Variants in CELF4 observed in about 807,000 individuals in gnomAD.
CELF4 encodes CUG-BP- and ETR-3-like factor 4.
A neutral mutation model predicts 59.9 loss-of-function variants in CELF4; 18 were observed. The observed-to-expected ratio is 0.30, with a 90% confidence interval of 0.21 to 0.45. The LOEUF (loss-of-function observed/expected upper bound fraction) is 0.45, where lower values mean the gene tolerates loss of function less well. CELF4 is among the 20% of genes least tolerant of loss of function. The pLI, the probability that CELF4 is intolerant of heterozygous loss-of-function variation, is 1.00. For missense variants in CELF4, 456 were observed against 689.0 expected, an observed-to-expected ratio of 0.66 and a Z score of 3.79; for synonymous variants, 261 against 267.1, an observed-to-expected ratio of 0.98 and a Z score of 0.22.
chr18:37,494,691 G>A (rs984688596), intron 1 of CELF4, among the ~76,000 whole-genome samples: 11 of 152,186 alleles, frequency 7.2e-5, no homozygotes, highest in East Asian at 3.9e-4. Flanking sequence ...CTGAGATGTG[G>A]CCACAGTGGG....
chr18:37,267,015 TGAAA>T (rs1436343729), intron 8 of CELF4, among the ~76,000 whole-genome samples: 3 of 151,414 alleles, frequency 2.0e-5, no homozygotes, highest in African/African-American at 7.3e-5. Flanking sequence ...CCCCAGTGGG[TGAAA>T]GAAAGGGCAA....
intron 3 of CELF4, among the ~76,000 whole-genome samples, chr18:37,296,751 ACTG>A (rs1174420424): frequency 4.6e-5 from 7 of 152,076 alleles, no homozygotes; most frequent in African/African-American, 1.7e-4. Flanking sequence ...CAGTGCCCTA[ACTG>A]TGGGCCCCAT....
At chr18:37,397,746 TG>T (rs1485257927) in intron 2 of CELF4, among the ~76,000 whole-genome samples, 3 of 152,072 alleles carry the variant, frequency 2.0e-5, no homozygotes, top group African/African-American at 7.2e-5. Flanking sequence ...GCTTGTGAGG[TG>T]GGTATGTTGG....
At chr18:37,303,432 A>T (rs2096202996) in intron 3 of CELF4, among the ~76,000 whole-genome samples, 1 of 152,160 alleles carries the variant, frequency 6.6e-6, no homozygotes, top group Admixed American at 6.5e-5. Flanking sequence ...GACATTTTGA[A>T]TTTAAAGTAT....
intron 1 of CELF4, among the ~76,000 whole-genome samples, chr18:37,515,201 C>CT (rs1452108735): frequency 6.6e-6 from 1 of 152,180 alleles, no homozygotes; most frequent in Non-Finnish European, 1.5e-5. Flanking sequence ...CAGTAAAAGC[C>CT]TTAAGGAGCC....
Position 37,448,032 on chromosome 18 carries a change from C to T in CELF4, c.369+37493G>A, listed in dbSNP as rs542012142. On this transcript the variant is annotated intron_variant, in intron 2 of 12. Transcript: ENST00000420428. ...GAGCCACATTGGTATAAGCCTAGGTCTGAGTACACGGTGGCATTCAGTGAT... is the reference window on the plus strand; with the variant it reads ...GAGCCACATTGGTATAAGCCTAGGTTTGAGTACACGGTGGCATTCAGTGAT... 2.0e-5 allele frequency among the ~76,000 whole-genome samples: 3 copies of T among 152,332 alleles called. No individual in the cohort carries two copies. The South Asian group carries it at 6.2e-4, about 32-fold the overall frequency.
At chr18:37,496,573 C>A (rs2099925405) in intron 1 of CELF4, among the ~76,000 whole-genome samples, 1 of 152,186 alleles carries the variant, frequency 6.6e-6, no homozygotes, top group African/African-American at 2.4e-5. Context: ...GAAATTCCAA[C>A]CTCAGCATCC....
chr18:37,502,501 T>C (rs2099932925), intron 1 of CELF4, among the ~76,000 whole-genome samples: 1 of 152,064 alleles, frequency 6.6e-6, no homozygotes, highest in African/African-American at 2.4e-5. Flanking sequence ...ACCGGGAAGG[T>C]GGTACAGGGC....
intron 1 of CELF4, among the ~76,000 whole-genome samples, chr18:37,556,662 A>G (rs1372735602): frequency 1.7e-4 from 26 of 152,070 alleles, no homozygotes; most frequent in Admixed American, 1.7e-3. Flanking sequence ...GAGTGATCCC[A>G]TCCTGTTTGA....
chr18:37,470,098 G>A (rs887191575), intron 2 of CELF4, among the ~76,000 whole-genome samples: 3 of 152,196 alleles, frequency 2.0e-5, no homozygotes, highest in African/African-American at 7.2e-5. Flanking sequence ...TAAGGAGTTC[G>A]CTGAAGTCTT....
At chr18:37,561,608 G>A (rs2099986560) in intron 1 of CELF4, among the ~76,000 whole-genome samples, 1 of 152,148 alleles carries the variant, frequency 6.6e-6, no homozygotes, top group South Asian at 2.1e-4. Flanking sequence ...CTGTTTATGT[G>A]AGTGTTAACA....
intron 2 of CELF4, among the ~76,000 whole-genome samples, chr18:37,472,684 A>T (rs2154602646): frequency 6.6e-6 from 1 of 152,304 alleles, no homozygotes; most frequent in Non-Finnish European, 1.5e-5. Flanking sequence ...TGGAGCTGGG[A>T]TTGGAGGCTA....
rs144753944 is a variant in CELF4, at chr18:37,281,953, G to C, written c.449-6710C>G. 4.1e-3 allele frequency among the ~76,000 whole-genome samples: 626 copies of C among 152,288 alleles called. 2 individuals carry two copies. The highest frequency in any genetic ancestry group is 0.015 in the African/African-American group (607 of 41,554). Reference sequence around the variant, plus strand: ...TAGCAAGGGACAGGGAGACACACCTGACTCAACAGGAGGGCCAGGCCAATG... The same window carrying C: ...TAGCAAGGGACAGGGAGACACACCTCACTCAACAGGAGGGCCAGGCCAATG... On this transcript the variant is annotated intron_variant, in intron 3 of 12. Transcript: ENST00000420428.
At chr18:37,476,412 C>T (rs1205849200) in intron 2 of CELF4, among the ~76,000 whole-genome samples, 1 of 152,194 alleles carries the variant, frequency 6.6e-6, no homozygotes, top group Non-Finnish European at 1.5e-5. Context: ...GGGAACATAC[C>T]ACAAATGCCT....
At chr18:37,463,060 C>T (rs1340451696) in intron 2 of CELF4, among the ~76,000 whole-genome samples, 1 of 152,176 alleles carries the variant, frequency 6.6e-6, no homozygotes, top group South Asian at 2.1e-4. Context: ...GCTCCTTTTC[C>T]AGAAGACACA....
At chr18:37,352,242 C>T (rs2098457152) in intron 2 of CELF4, among the ~76,000 whole-genome samples, 1 of 152,220 alleles carries the variant, frequency 6.6e-6, no homozygotes, top group South Asian at 2.1e-4. Flanking sequence ...TCAGTGCAAG[C>T]CACCAAGCAA....
At chr18:37,342,267 G>T (rs925434756) in intron 2 of CELF4, among the ~76,000 whole-genome samples, 3 of 120,672 alleles carry the variant, frequency 2.5e-5, no homozygotes, top group African/African-American at 9.3e-5. Context: ...ACACACACAC[G>T]CTGGGCACAT....
chr18:37,264,830 T>A, intron 9 of CELF4, 73 bp from the exon 10 acceptor site: 1 of 1,288,104 alleles, frequency 7.8e-7, no homozygotes, highest in Non-Finnish European at 1.1e-6. Flanking sequence ...GAGAGAGATT[T>A]CAGTGCAGGC....
At chr18:37,260,189 A>G (rs997426517) in intron 10 of CELF4, among the ~76,000 whole-genome samples, 1 of 152,214 alleles carries the variant, frequency 6.6e-6, no homozygotes, top group Non-Finnish European at 1.5e-5. Flanking sequence ...GCCTGTCTCC[A>G]TAGAGTGAAT....
Sources: gnomAD v4.1 joint callset for allele counts (sites outside exome capture counted in the v4.1 genomes callset) on GRCh38, gnomAD v4.1.1 for gene constraint, MANE v1.5 for transcripts, NCBI Gene and HGNC (gene_info 2026-07-23, HGNC 2026-07-21) for gene names.